Variants in TNRC6B observed in about 807,000 individuals in gnomAD.
TNRC6B encodes the protein trinucleotide repeat-containing gene 6B protein.
In TNRC6B, 52 loss-of-function variants were observed where a neutral mutation model predicts 203.6. That is an observed-to-expected ratio of 0.26 (90% CI 0.20 to 0.32). The LOEUF (loss-of-function observed/expected upper bound fraction) is 0.32, where lower values mean the gene tolerates loss of function less well. TNRC6B is among the 10% of genes least tolerant of loss of function. TNRC6B has a pLI of 1.00. For missense variants in TNRC6B, 1,923 were observed against 2,286.2 expected, an observed-to-expected ratio of 0.84 and a Z score of 3.24; for synonymous variants, 838 against 845.7, an observed-to-expected ratio of 0.99 and a Z score of 0.16.
upstream of TNRC6B, among the ~76,000 whole-genome samples, chr22:40,177,110 A>AT (rs2069070383): frequency 6.6e-6 from 1 of 152,184 alleles, no homozygotes. Flanking sequence ...GTGGAGATGT[A>AT]TATGCGAAGG....
chr22:40,190,641 A>T (rs2069258979), intron 1 of TNRC6B, among the ~76,000 whole-genome samples: 1 of 152,204 alleles, frequency 6.6e-6, no homozygotes, highest in African/African-American at 2.4e-5. Flanking sequence ...TACTCCTGTA[A>T]TCAGGAGGGC....
intron 15 of TNRC6B, among the ~76,000 whole-genome samples, chr22:40,307,856 A>C (rs558338478): frequency 6.6e-6 from 1 of 152,112 alleles, no homozygotes; most frequent in East Asian, 1.9e-4. Context: ...AATGTTCACT[A>C]TCTTCTTATC....
At chr22:40,118,253 G>A (rs188532683) in intron 2 of TNRC6B, among the ~76,000 whole-genome samples, 4 of 152,238 alleles carry the variant, frequency 2.6e-5, no homozygotes, top group Admixed American at 2.6e-4. Flanking sequence ...AATACTGTGT[G>A]GCCTATGGTT....
At chr22:40,281,093 A>G in intron 10 of TNRC6B, 26 bp from the exon 11 acceptor site, 6 of 1,524,038 alleles carry the variant, frequency 3.9e-6, no homozygotes, top group Non-Finnish European at 5.3e-6. Context: ...ACTCGTTGTG[A>G]TTGGCTAACT....
chr22:40,196,250 A>G (rs2069335878), intron 1 of TNRC6B, among the ~76,000 whole-genome samples: 1 of 150,540 alleles, frequency 6.6e-6, no homozygotes, highest in Non-Finnish European at 1.5e-5. Flanking sequence ...ACCGGGCTCA[A>G]GCAGTCCTTC....
At chr22:40,075,503 T>C (rs901744006) in intron 1 of TNRC6B, among the ~76,000 whole-genome samples, 2 of 152,066 alleles carry the variant, frequency 1.3e-5, no homozygotes, top group Admixed American at 6.5e-5. Flanking sequence ...TTTTAACTTA[T>C]TCGTGTCTTT....
intron 4 of TNRC6B, among the ~76,000 whole-genome samples, chr22:40,168,757 C>T (rs566296745): frequency 6.6e-6 from 1 of 152,212 alleles, no homozygotes; most frequent in East Asian, 1.9e-4. Context: ...TTGGTAGTAC[C>T]GAAGTTGGTA....
chr22:40,082,810 A>G (rs1380279664), intron 1 of TNRC6B, among the ~76,000 whole-genome samples: 2 of 152,244 alleles, frequency 1.3e-5, no homozygotes, highest in Admixed American at 1.3e-4. Flanking sequence ...GAAGGCATAG[A>G]AATCCAGAAT....
At chr22:40,220,498 T>C (rs2069693359) in intron 1 of TNRC6B, among the ~76,000 whole-genome samples, 1 of 152,130 alleles carries the variant, frequency 6.6e-6, no homozygotes, top group Admixed American at 6.5e-5. Flanking sequence ...AGGGGCACTG[T>C]TTGAATCTAC....
chr22:40,303,873 T>C (rs1451216349), intron 15 of TNRC6B, among the ~76,000 whole-genome samples: 3 of 152,230 alleles, frequency 2.0e-5, no homozygotes, highest in African/African-American at 7.2e-5. Flanking sequence ...ATCATGCCAC[T>C]GCACTCCAGC....
At chr22:40,139,552 G>A (rs1430219559) in intron 3 of TNRC6B, among the ~76,000 whole-genome samples, 2 of 151,922 alleles carry the variant, frequency 1.3e-5, no homozygotes, top group Non-Finnish European at 2.9e-5. Flanking sequence ...GGCTGGTCTC[G>A]AACTCCTGAC....
At chr22:40,256,361 G>A (rs1049157470) in intron 3 of TNRC6B, among the ~76,000 whole-genome samples, 9 of 152,056 alleles carry the variant, frequency 5.9e-5, no homozygotes, top group African/African-American at 2.2e-4. Flanking sequence ...GTTTTGTTTT[G>A]TTTTTAAGCC....
intron 12 of TNRC6B, among the ~76,000 whole-genome samples, chr22:40,288,679 AC>A (rs1403739822): frequency 6.6e-6 from 1 of 151,752 alleles, no homozygotes; most frequent in African/African-American, 2.4e-5. Flanking sequence ...AGTAGCTGGG[AC>A]TACAGGAGTG....
chr22:40,141,837 C>T (rs868839594), intron 3 of TNRC6B, among the ~76,000 whole-genome samples: 34 of 148,424 alleles, frequency 2.3e-4, no homozygotes, highest in African/African-American at 7.2e-4. Flanking sequence ...TGCAGTGGCG[C>T]GATCTCTGCT....
At chr22:40,148,574 C>T (rs560570994) in intron 3 of TNRC6B, among the ~76,000 whole-genome samples, 2 of 149,672 alleles carry the variant, frequency 1.3e-5, no homozygotes, top group East Asian at 1.9e-4. Flanking sequence ...TGGGCCACCG[C>T]GCCGGGCCAG....
At chr22:40,305,040 G>T (rs2071072565) in intron 15 of TNRC6B, among the ~76,000 whole-genome samples, 7 of 152,162 alleles carry the variant, frequency 4.6e-5, no homozygotes. Flanking sequence ...GTGAAGGCAG[G>T]ATCAGTGTAA....
intron 1 of TNRC6B, among the ~76,000 whole-genome samples, chr22:40,227,710 A>C (rs560581333): frequency 4.6e-5 from 7 of 152,152 alleles, no homozygotes; most frequent in Non-Finnish European, 8.8e-5. Flanking sequence ...AACTGCTAGC[A>C]ATCTGATTTC....
chr22:40,227,066 C>T (rs1301171393), intron 1 of TNRC6B, among the ~76,000 whole-genome samples: 2 of 144,520 alleles, frequency 1.4e-5, no homozygotes, highest in African/African-American at 5.2e-5. Context: ...TGTGTCGCCA[C>T]ACCCAGCTAA....
rs181727730 is a variant in TNRC6B, at chr22:40,214,282, A to T, written c.6-31733A>T. 1.5e-3 allele frequency among the ~76,000 whole-genome samples: 222 copies of T among 146,534 alleles called. 1 individual carries two copies. Among genetic ancestry groups the T allele is most frequent in the African/African-American group, 5.3e-3 (210 of 39,710 alleles). The stretch of plus-strand genomic sequence containing the variant: ...ACTCCATCTCAAAAAATAAAACATT[A>T]AAAAAAAAAGGGTAACATGAGGGAT... On this transcript the variant is annotated intron_variant, in intron 1 of 22. Transcript: ENST00000454349.
Sources: gnomAD v4.1 joint callset for allele counts (sites outside exome capture counted in the v4.1 genomes callset) on GRCh38, gnomAD v4.1.1 for gene constraint, MANE v1.5 for transcripts, NCBI Gene and HGNC (gene_info 2026-07-23, HGNC 2026-07-21) for gene names.